Variants in SRD5A1 observed in about 807,000 individuals in gnomAD.
The protein encoded by SRD5A1 is steroid 5 alpha-reductase 1, also known as 3-oxo-5-alpha-steroid 4-dehydrogenase 1.
SRD5A1 carries 22 observed loss-of-function variants against 28.2 expected under a neutral mutation model. That is an observed-to-expected ratio of 0.78 (90% CI 0.56 to 1.12). The LOEUF (loss-of-function observed/expected upper bound fraction) is 1.12, where lower values mean the gene tolerates loss of function less well. SRD5A1 is among the 50% of genes most tolerant of loss of function. The probability of loss-of-function intolerance (pLI) is 0.00; values close to 1 mark genes in which losing one functional copy is unlikely to be tolerated. For synonymous variants in SRD5A1, 151 were observed against 135.0 expected, an observed-to-expected ratio of 1.12 and a Z score of -0.82; for missense variants, 300 against 346.7, an observed-to-expected ratio of 0.87 and a Z score of 1.07.
chr5:6,646,715 T>G (rs918327849), intron 1 of SRD5A1, among the ~76,000 whole-genome samples: 1 of 152,056 alleles, frequency 6.6e-6, no homozygotes, highest in Admixed American at 6.5e-5. Context: ...GTTGATCTTT[T>G]CAAAAAACCA....
chr5:6,648,077 C>A (rs1427950903), intron 1 of SRD5A1, among the ~76,000 whole-genome samples: 2 of 152,158 alleles, frequency 1.3e-5, no homozygotes, highest in South Asian at 2.1e-4. Context: ...AAAGAAAATT[C>A]TTTTCTTTCA....
intron 1 of SRD5A1, among the ~76,000 whole-genome samples, chr5:6,650,408 CT>C (rs1738634823): frequency 7.3e-6 from 1 of 136,270 alleles, no homozygotes; most frequent in Admixed American, 7.5e-5. Flanking sequence ...AAGACCCTGT[CT>C]TGAAAAAAAA....
At position 6,658,398 on chromosome 5, in the gene SRD5A1, A is replaced by T. The variant is rs567107334; in HGVS notation, c.562+2219A>T. 2.0e-5 allele frequency among the ~76,000 whole-genome samples: 3 copies of T among 152,336 alleles called. No individual in the cohort carries two copies. In the South Asian group the frequency reaches 6.2e-4, roughly 32 times the overall value. On this transcript the variant is annotated intron_variant, in intron 3 of 4. Coordinates refer to ENST00000274192, the MANE Select transcript of SRD5A1 (RefSeq NM_001047.4). ...ACCCATCAGCTAAAGAACACCTGCGACGAACCCGCAATCTACAAACTTATT... is the reference window on the plus strand; with the variant it reads ...ACCCATCAGCTAAAGAACACCTGCGTCGAACCCGCAATCTACAAACTTATT...
chr5:6,668,371 T>C lies in SRD5A1; in HGVS notation c.*103T>C. ...TCTTTGTAATTTTCCTGCTACTTTA[T>C]CATTTTCAAGATGTCCTCTAGGAAT... On this transcript the variant is annotated 3_prime_UTR_variant, in exon 5 of 5. Transcript: ENST00000274192. 1 of 744,494 alleles carries C rather than the reference T, an allele frequency of 1.3e-6. No individual in the cohort carries two copies. Among genetic ancestry groups the C allele is most frequent in the Non-Finnish European group, 2.1e-6 (1 of 477,712 alleles). 46.1% of individuals were successfully genotyped at this position (744,494 alleles called of 1,614,324 possible). A position where few individuals can be genotyped will look rare whatever the true frequency, so the allele number is the denominator to read the frequency against.
chr5:6,656,029 A>C, intron 2 of SRD5A1, 49 bp from the exon 3 acceptor site: 1 of 1,438,302 alleles, frequency 7.0e-7, no homozygotes, highest in Non-Finnish European at 9.8e-7. Context: ...CTCGTAGTGA[A>C]ATTTTACGGT....
At chr5:6,657,607 T>G (rs1199208071) in intron 3 of SRD5A1, among the ~76,000 whole-genome samples, 8 of 152,166 alleles carry the variant, frequency 5.3e-5, no homozygotes, top group Admixed American at 5.2e-4. Flanking sequence ...GGCACAGTCC[T>G]GGGGAAGGCA....
chr5:6,642,435 C>A (rs544334069), intron 1 of SRD5A1, among the ~76,000 whole-genome samples: 1 of 152,318 alleles, frequency 6.6e-6, no homozygotes, highest in African/African-American at 2.4e-5. Flanking sequence ...TCTTCCACTG[C>A]ACAGCTAAAT....
intron 4 of SRD5A1, among the ~76,000 whole-genome samples, chr5:6,664,250 C>CTTTTT (rs1739094768): frequency 6.6e-6 from 1 of 151,966 alleles, no homozygotes; most frequent in Non-Finnish European, 1.5e-5. Context: ...TTTTTTGGGA[C>CTTTTT]TAAGGACAGA....
intron 4 of SRD5A1, among the ~76,000 whole-genome samples, chr5:6,667,662 CG>C (rs1739227210): frequency 6.6e-6 from 1 of 152,172 alleles, no homozygotes; most frequent in Non-Finnish European, 1.5e-5. Context: ...ATGTTTGTTT[CG>C]AGCACAAGGC....
chr5:6,649,201 G>A (rs1466631915), intron 1 of SRD5A1, among the ~76,000 whole-genome samples: 1 of 152,188 alleles, frequency 6.6e-6, no homozygotes, highest in African/African-American at 2.4e-5. Context: ...TACACAGGGG[G>A]TCAGGGACCC....
chr5:6,659,207 G>C (rs1162530246), intron 3 of SRD5A1, among the ~76,000 whole-genome samples: 2 of 151,366 alleles, frequency 1.3e-5, no homozygotes, highest in Non-Finnish European at 1.5e-5. Flanking sequence ...TCTGCCTCTC[G>C]GGTTCACGCC....
chr5:6,651,794 A>T, intron 1 of SRD5A1, 48 bp from the exon 2 acceptor site: 1 of 1,522,128 alleles, frequency 6.6e-7, no homozygotes, highest in Non-Finnish European at 8.9e-7. Flanking sequence ...TACAGAAATG[A>T]TTATCTTTAA....
chr5:6,653,975 T>A (rs1293010566), intron 2 of SRD5A1, among the ~76,000 whole-genome samples: 1 of 152,232 alleles, frequency 6.6e-6, no homozygotes, highest in Non-Finnish European at 1.5e-5. Context: ...TTATTGTTTT[T>A]GTGAGGAAAC....
At position 6,658,945 on chromosome 5, in the gene SRD5A1, T is replaced by G. The variant is rs565569670; in HGVS notation, c.562+2766T>G. Among the ~76,000 whole-genome samples the G allele has an allele frequency of 2.2e-4, 34 of 151,526 alleles. 1 individual carries two copies. In the South Asian group the frequency reaches 7.1e-3, roughly 32 times the overall value. On this transcript the variant is annotated intron_variant, in intron 3 of 4. Transcript: ENST00000274192. ...TAGGCAACATAGCCAGACTCCCATC[T>G]CCACAAAAAAATTGAAAGAAAATTA...
At chr5:6,649,118 G>A (rs996550523) in intron 1 of SRD5A1, among the ~76,000 whole-genome samples, 4 of 152,106 alleles carry the variant, frequency 2.6e-5, no homozygotes, top group Admixed American at 6.6e-5. Context: ...AGGGGCACCC[G>A]CCAGATGCCA....
intron 1 of SRD5A1, among the ~76,000 whole-genome samples, chr5:6,639,018 A>C (rs1391230042): frequency 6.6e-6 from 1 of 152,236 alleles, no homozygotes; most frequent in Non-Finnish European, 1.5e-5. Flanking sequence ...CATTGTTCCC[A>C]AACTTGGGGG....
In SRD5A1 at chr5:6,636,256, T is replaced by C. The variant is rs192600099; in HGVS notation, c.293+2387T>C. ...GAAGAGAACCAGAGTGGAAACAGCA[T>C]TTAGCACTGAACACAAACCATCCCA... On this transcript the variant is annotated intron_variant, in intron 1 of 4. Transcript: ENST00000274192. 8.2e-4 allele frequency among the ~76,000 whole-genome samples: 125 copies of C among 152,308 alleles called. 1 individual carries two copies. The highest frequency in any genetic ancestry group is 2.9e-3 in the African/African-American group (122 of 41,574).
At chr5:6,665,409 T>C (rs897911865) in intron 4 of SRD5A1, among the ~76,000 whole-genome samples, 1 of 152,234 alleles carries the variant, frequency 6.6e-6, no homozygotes, top group Non-Finnish European at 1.5e-5. Context: ...TAAAATTGAC[T>C]GGGAAAGTAA....
chr5:6,644,608 T>C (rs1738454223), intron 1 of SRD5A1, among the ~76,000 whole-genome samples: 2 of 152,022 alleles, frequency 1.3e-5, no homozygotes, highest in South Asian at 4.1e-4. Context: ...AGGGGTAGAG[T>C]GAGAGCCACT....
Sources: allele counts gnomAD v4.1 joint callset (sites outside exome capture counted in the v4.1 genomes callset), GRCh38; gene constraint gnomAD v4.1.1; transcripts MANE v1.5; gene names NCBI Gene and HGNC (gene_info 2026-07-23, HGNC 2026-07-21).